NUSAP1: variants seen among roughly 807,000 people sequenced by gnomAD.
NUSAP1 encodes the protein nucleolar and spindle-associated protein 1.
Under a neutral mutation model 52.8 loss-of-function variants are expected in NUSAP1, and 32 were observed. That is an observed-to-expected ratio of 0.61 (90% confidence interval 0.46 to 0.81). The LOEUF is 0.81. Among genes scored for constraint, NUSAP1 ranks in the 40% least tolerant of loss-of-function variants. The probability of loss-of-function intolerance (pLI) is 0.00; values close to 1 mark genes in which losing one functional copy is unlikely to be tolerated. For missense variants in NUSAP1, 499 were observed against 522.3 expected (o/e 0.96, Z 0.43); for synonymous variants, 195 against 183.1 (o/e 1.06, Z -0.52).
At chr15:41,358,359 A>G (rs2049045453) in intron 6 of NUSAP1, 101 bp downstream of exon 6, 1 of 626,314 alleles carries the variant, frequency 1.6e-6, no homozygotes, top group Non-Finnish European at 2.8e-6. Flanking sequence ...TCACTCTACC[A>G]GTAGATTTGT....
intron 7 of NUSAP1, among the ~76,000 whole-genome samples, chr15:41,368,728 C>CTTTTT (rs57501156): frequency 6.9e-4 from 54 of 77,910 alleles, no homozygotes; most frequent in African/African-American, 2.0e-3. Context: ...TTATTTTATT[C>CTTTTT]TTTTTTTTTT....
At chr15:41,369,265 A>T (rs1359049469) in intron 7 of NUSAP1, among the ~76,000 whole-genome samples, 3 of 152,102 alleles carry the variant, frequency 2.0e-5, no homozygotes, top group Non-Finnish European at 4.4e-5. Context: ...TAGTTTTTCA[A>T]ACTTAAAAAT....
At chr15:41,361,788 G>A (rs2049188703) in intron 6 of NUSAP1, among the ~76,000 whole-genome samples, 1 of 152,038 alleles carries the variant, frequency 6.6e-6, no homozygotes, top group African/African-American at 2.4e-5. Flanking sequence ...TGTTCACCCT[G>A]AATGTTTAAG....
chr15:41,355,463 G>A (rs903785733), intron 4 of NUSAP1, among the ~76,000 whole-genome samples: 7 of 151,880 alleles, frequency 4.6e-5, no homozygotes, highest in Admixed American at 6.6e-5. Flanking sequence ...GAGCCACCGC[G>A]GCGCCTGACC....
chr15:41,346,705 T>G (rs1217703482), intron 2 of NUSAP1, among the ~76,000 whole-genome samples: 1 of 151,724 alleles, frequency 6.6e-6, no homozygotes, highest in African/African-American at 2.4e-5. Flanking sequence ...CACGCACCTG[T>G]AGTCCCAGCT....
At chr15:41,363,327 C>T (rs531617028) in intron 6 of NUSAP1, among the ~76,000 whole-genome samples, 1 of 145,932 alleles carries the variant, frequency 6.9e-6, no homozygotes. Flanking sequence ...GTGTGTGTGT[C>T]TCTCTCTCTC....
chr15:41,342,589 G>C, intron 2 of NUSAP1, 135 bp downstream of exon 2: 2 of 653,224 alleles, frequency 3.1e-6, no homozygotes, highest in Non-Finnish European at 5.1e-6. Flanking sequence ...TATACTCCTA[G>C]CACTTTGGTA....
At chr15:41,378,944 G>GTTTTGTTTTTTT (rs2050092060) in intron 10 of NUSAP1, among the ~76,000 whole-genome samples, 5 of 63,270 alleles carry the variant, frequency 7.9e-5, no homozygotes, top group African/African-American at 3.5e-4. Flanking sequence ...ACTTATCTTG[G>GTTTTGTTTTTTT]TTTTTTTTTT....
At chr15:41,349,496 T>A (rs1430933976) in intron 3 of NUSAP1, 1 of 349,754 alleles carries the variant, frequency 2.9e-6, no homozygotes, top group African/African-American at 2.0e-5. Flanking sequence ...CATTGAGTGT[T>A]CACTTAAGTG....
chr15:41,372,195 A>G (rs1261754132), intron 8 of NUSAP1, among the ~76,000 whole-genome samples: 1 of 152,166 alleles, frequency 6.6e-6, no homozygotes, highest in Non-Finnish European at 1.5e-5. Flanking sequence ...TATCTGCCTG[A>G]GAGCTCCATC....
rs775764219 is a variant in NUSAP1, at chr15:41,371,714, GT to G, written c.1006+33del. The G allele has an allele frequency of 3.8e-6, 6 of 1,561,958 alleles. No homozygotes were observed. The South Asian group carries it at 7.3e-5, about 19-fold the overall frequency. On this transcript the variant is annotated intron_variant, in intron 8 of 10. Transcript: ENST00000559596. ...AAAAAAAAAAAAACAAAAGAAATCT[GT>G]TTCATTTTTAAGCCATGTAACTTCC...
chr15:41,355,411 T>C (rs1490589856), intron 4 of NUSAP1, among the ~76,000 whole-genome samples: 1 of 151,838 alleles, frequency 6.6e-6, no homozygotes, highest in Non-Finnish European at 1.5e-5. Context: ...GAACTCATGA[T>C]CCACCCGCCT....
At chr15:41,345,668 G>A (rs1249184307) in intron 2 of NUSAP1, 2 of 267,464 alleles carry the variant, frequency 7.5e-6, no homozygotes, top group South Asian at 3.1e-5. Context: ...ATGTTTGTCA[G>A]GCTGGTCTCA....
chr15:41,345,103 G>GAT, intron 2 of NUSAP1, among the ~76,000 whole-genome samples: 1 of 152,184 alleles, frequency 6.6e-6, no homozygotes, highest in African/African-American at 2.4e-5. Context: ...AGGCTCAAGT[G>GAT]ATCCTCTTGC....
At chr15:41,354,488 G>A (rs1357389307) in intron 4 of NUSAP1, among the ~76,000 whole-genome samples, 3 of 151,980 alleles carry the variant, frequency 2.0e-5, no homozygotes, top group Admixed American at 2.0e-4. Context: ...CTGGGCGACA[G>A]TGTGAGTCCG....
intron 1 of NUSAP1, among the ~76,000 whole-genome samples, chr15:41,333,612 C>G (rs969123188): frequency 6.6e-6 from 1 of 152,174 alleles, no homozygotes; most frequent in African/African-American, 2.4e-5. Context: ...GTCTTTGACT[C>G]CGAGGCTACA....
chr15:41,348,244 A>C (rs1485264849), intron 2 of NUSAP1, among the ~76,000 whole-genome samples: 1 of 152,108 alleles, frequency 6.6e-6, no homozygotes, highest in African/African-American at 2.4e-5. Context: ...ACGCCTGGCT[A>C]ATTTTTGTAT....
At chr15:41,375,623 T>G (rs992325259) in intron 8 of NUSAP1, 89 bp from the exon 9 acceptor site, 1 of 900,304 alleles carries the variant, frequency 1.1e-6, no homozygotes, top group Non-Finnish European at 1.8e-6. Context: ...TAACGTGTAT[T>G]TTTAAGATTG....
Position 41,380,210 on chromosome 15 carries a change from A to T in NUSAP1, c.*24A>T. The stretch of plus-strand genomic sequence containing the variant: ...AATAATTTTTTAACATCTTGTAAAT[A>T]TTCCTGTATTCTCAACTTTTTTCCT... On this transcript the variant is annotated 3_prime_UTR_variant, in exon 11 of 11. Transcript: ENST00000559596. 1 of 1,468,056 alleles carries T rather than the reference A, an allele frequency of 6.8e-7. No individual in the cohort carries two copies. The highest frequency in any genetic ancestry group is 1.4e-5 in the African/African-American group (1 of 70,376). 90.9% of individuals were successfully genotyped at this position (1,468,056 alleles called of 1,614,324 possible).
Sources: gnomAD v4.1 joint callset for allele counts (sites outside exome capture counted in the v4.1 genomes callset) on GRCh38, gnomAD v4.1.1 for gene constraint, MANE v1.5 for transcripts, NCBI Gene and HGNC (gene_info 2026-07-23, HGNC 2026-07-21) for gene names.